The following SDK1 variants were observed in gnomAD, a reference collection of about 807,000 sequenced individuals.
The protein encoded by SDK1 is sidekick cell adhesion molecule 1.
SDK1 carries 157 observed loss-of-function variants against 245.5 expected under a neutral mutation model. The ratio of observed to expected loss-of-function variants is 0.64; its 90% CI spans 0.56 to 0.73. The LOEUF (loss-of-function observed/expected upper bound fraction) is 0.73, where lower values mean the gene tolerates loss of function less well. Among genes scored for constraint, SDK1 ranks in the 30% least tolerant of loss-of-function variants. The pLI is 0.00. For missense variants in SDK1, 3,583 were observed against 3,002.3 expected (o/e 1.19, Z -4.52); for synonymous variants, 1,647 against 1,278.5 (o/e 1.29, Z -6.15).
At chr7:3,817,339 T>C (rs555922231) in intron 4 of SDK1, among the ~76,000 whole-genome samples, 1 of 152,316 alleles carries the variant, frequency 6.6e-6, no homozygotes, top group East Asian at 1.9e-4. Flanking sequence ...CAATCGAAGC[T>C]CTATGGGACA....
intron 5 of SDK1, among the ~76,000 whole-genome samples, chr7:3,840,074 A>G (rs1157864181): frequency 6.6e-6 from 1 of 152,206 alleles, no homozygotes; most frequent in Non-Finnish European, 1.5e-5. Flanking sequence ...AGTGACCTAA[A>G]ATTTTACAGT....
rs1043797150 is a variant in SDK1, at chr7:4,119,455, TA to T, written c.3823+5189del. Among the ~76,000 whole-genome samples, 13 of 147,382 alleles carry T rather than the reference TA, an allele frequency of 8.8e-5. 1 individual carries two copies. Among genetic ancestry groups the T allele is most frequent in the African/African-American group, 3.2e-4 (13 of 40,348 alleles). ...GGGTGGCAGAGCAAGACCCTGTCTC[TA>T]AAAAAAATAATAAGAATGGCTCATA... is the stretch of plus-strand genomic sequence containing the variant. On this transcript the variant is annotated intron_variant, in intron 25 of 44. Coordinates refer to ENST00000404826, the MANE Select transcript of SDK1 (RefSeq NM_152744.4).
rs576505225 is a variant in SDK1, at chr7:4,045,624, G to A, written c.2603-3724G>A. 9.9e-4 allele frequency among the ~76,000 whole-genome samples: 151 copies of A among 152,216 alleles called. No homozygotes were observed. In the South Asian group the frequency reaches 0.012, roughly 12 times the overall value. ...GCAGGATTACCGGGTCACGTGGCTC[G>A]CGCATGTTTAACTTCGTAAGAAAGC... is the stretch of plus-strand genomic sequence containing the variant. On this transcript the variant is annotated intron_variant, in intron 17 of 44. Coordinates refer to ENST00000404826, the MANE Select transcript of SDK1 (RefSeq NM_152744.4).
chr7:3,903,144 G>GTTT (rs1414750594), intron 5 of SDK1, among the ~76,000 whole-genome samples: 11 of 130,362 alleles, frequency 8.4e-5, no homozygotes, highest in African/African-American at 3.4e-4. Flanking sequence ...TTTGTTTTTT[G>GTTT]TTTTGTTTTT....
At chr7:3,768,353 A>G (rs1780313307) in intron 4 of SDK1, among the ~76,000 whole-genome samples, 2 of 152,232 alleles carry the variant, frequency 1.3e-5, no homozygotes, top group African/African-American at 4.8e-5. Flanking sequence ...TGTCATGGAT[A>G]AATACAGCCG....
At chr7:3,997,737 C>T (rs1167482388) in intron 14 of SDK1, among the ~76,000 whole-genome samples, 2 of 152,172 alleles carry the variant, frequency 1.3e-5, no homozygotes, top group African/African-American at 4.8e-5. Context: ...CAAGTTCCCA[C>T]TCCAGCCAGG....
intron 5 of SDK1, among the ~76,000 whole-genome samples, chr7:3,902,884 G>T (rs10262942): frequency 1.3e-5 from 2 of 151,864 alleles, no homozygotes; most frequent in Non-Finnish European, 2.9e-5. Flanking sequence ...CATATATCTG[G>T]TAAAGGTCAT....
Position 3,792,906 on chromosome 7 carries a change from A to G in SDK1, c.714-28544A>G, listed in dbSNP as rs539065208. ...CTCTAGCACTGGCGTTTTAACATAGAAAGCTTAATGAGTGCATTCAGTTCT... is the reference window on the plus strand; with the variant it reads ...CTCTAGCACTGGCGTTTTAACATAGGAAGCTTAATGAGTGCATTCAGTTCT... On this transcript the variant is annotated intron_variant, in intron 4 of 44. Transcript: ENST00000404826. 4.6e-5 allele frequency among the ~76,000 whole-genome samples: 7 copies of G among 152,312 alleles called. No homozygotes were observed. In the South Asian group the frequency reaches 1.4e-3, roughly 32 times the overall value.
chr7:3,340,708 A>G (rs1004310434), intron 1 of SDK1, among the ~76,000 whole-genome samples: 2 of 150,336 alleles, frequency 1.3e-5, no homozygotes, highest in East Asian at 2.0e-4. Flanking sequence ...GCTTGCAGTG[A>G]GCTGAGATTG....
intron 1 of SDK1, among the ~76,000 whole-genome samples, chr7:3,504,182 A>ATATGTGTGTGTGTGTGTG (rs375661314): frequency 7.4e-4 from 97 of 131,942 alleles, no homozygotes; most frequent in Admixed American, 2.4e-3. Flanking sequence ...ATATATATAT[A>ATATGTGTGTGTGTGTGTG]TGTGTGTGTG....
chr7:3,794,136 A>G (rs1778903868), intron 4 of SDK1, among the ~76,000 whole-genome samples: 1 of 152,284 alleles, frequency 6.6e-6, no homozygotes. Context: ...AAAAAGTATC[A>G]TGAGGTATTT....
intron 35 of SDK1, among the ~76,000 whole-genome samples, chr7:4,182,227 C>G (rs1782641923): frequency 6.6e-6 from 1 of 152,156 alleles, no homozygotes; most frequent in African/African-American, 2.4e-5. Flanking sequence ...GCCACTGCCC[C>G]AGGACACCCT....
intron 1 of SDK1, among the ~76,000 whole-genome samples, chr7:3,345,068 G>A (rs983924399): frequency 2.0e-5 from 3 of 152,184 alleles, no homozygotes. Flanking sequence ...AGCGTTTATA[G>A]AAGTCTTTGA....
intron 35 of SDK1, among the ~76,000 whole-genome samples, chr7:4,195,945 C>G (rs1421426786): frequency 4.6e-5 from 7 of 152,192 alleles, no homozygotes; most frequent in Non-Finnish European, 7.3e-5. Flanking sequence ...GTCTCTCCAC[C>G]ACACCCACGC....
intron 28 of SDK1, among the ~76,000 whole-genome samples, chr7:4,133,709 C>G (rs1473853703): frequency 2.6e-5 from 4 of 152,178 alleles, no homozygotes; most frequent in Admixed American, 6.5e-5. Context: ...CCTGCTGTGT[C>G]CTGGAGAATG....
chr7:3,649,858 A>G (rs1407193581), intron 4 of SDK1, among the ~76,000 whole-genome samples: 2 of 152,144 alleles, frequency 1.3e-5, no homozygotes, highest in Non-Finnish European at 2.9e-5. Context: ...CCAGAGGATG[A>G]GTGTTCTAGG....
At chr7:3,967,270 G>C in intron 9 of SDK1, 48 bp from the exon 10 acceptor site, 1 of 1,428,784 alleles carries the variant, frequency 7.0e-7, no homozygotes, top group African/African-American at 1.4e-5. Context: ...GCTGATGTGA[G>C]CCTCTCAGGA....
chr7:4,075,403 T>A (rs1584036271), intron 20 of SDK1, among the ~76,000 whole-genome samples: 1 of 152,324 alleles, frequency 6.6e-6, no homozygotes, highest in Non-Finnish European at 1.5e-5. Context: ...GTGCAACTCC[T>A]AGCTTTATTT....
intron 1 of SDK1, among the ~76,000 whole-genome samples, chr7:3,340,501 G>C (rs922834429): frequency 1.3e-5 from 2 of 152,098 alleles, no homozygotes; most frequent in Non-Finnish European, 2.9e-5. Context: ...GGTGGCTCAC[G>C]CCTGTAATCC....
Sources: gnomAD v4.1 joint callset for allele counts (sites outside exome capture counted in the v4.1 genomes callset) on GRCh38, gnomAD v4.1.1 for gene constraint, MANE v1.5 for transcripts, NCBI Gene and HGNC (gene_info 2026-07-23, HGNC 2026-07-21) for gene names.